Variants in HS6ST3 observed in about 807,000 individuals in gnomAD.
HS6ST3 encodes the protein heparan sulfate 6-O-sulfotransferase 3, also known as heparan-sulfate 6-O-sulfotransferase 3.
A neutral mutation model predicts 36.7 loss-of-function variants in HS6ST3; 12 were observed. The ratio of observed to expected loss-of-function variants is 0.33; its 90% CI spans 0.21 to 0.53. The LOEUF (loss-of-function observed/expected upper bound fraction) is 0.53, where lower values mean the gene tolerates loss of function less well. Ranked by LOEUF, HS6ST3 falls within the 20% of genes least tolerant of loss-of-function variation. HS6ST3 has a pLI of 0.95. For synonymous variants in HS6ST3, 240 were observed against 257.5 expected (o/e 0.93, Z 0.65); for missense variants, 584 against 640.9 (o/e 0.91, Z 0.96).
rs143431370 is a variant in HS6ST3, at chr13:96,264,064, A to G, written c.707+172495A>G. 9.8e-3 allele frequency among the ~76,000 whole-genome samples: 1,491 copies of G among 152,344 alleles called. 24 individuals carry two copies. Among genetic ancestry groups the G allele is most frequent in the African/African-American group, 0.034 (1,433 of 41,574 alleles). ...TCTATACTCCTTCCCACTCCTAGGTATATGAGAATGTTGGAGAATTAATGG... is the reference window on the plus strand; with the variant it reads ...TCTATACTCCTTCCCACTCCTAGGTGTATGAGAATGTTGGAGAATTAATGG... On this transcript the variant is annotated intron_variant, in intron 1 of 1. Transcript: ENST00000376705.
At chr13:96,611,515 T>G (rs902342061) in intron 1 of HS6ST3, among the ~76,000 whole-genome samples, 2 of 152,168 alleles carry the variant, frequency 1.3e-5, no homozygotes, top group African/African-American at 4.8e-5. Context: ...TTCAAAGAGC[T>G]TCCAGTCTAT....
intron 1 of HS6ST3, among the ~76,000 whole-genome samples, chr13:96,195,600 A>C (rs973573926): frequency 1.3e-5 from 2 of 152,106 alleles, no homozygotes; most frequent in African/African-American, 4.8e-5. Flanking sequence ...CTGGGTGATC[A>C]CTCTGCACTT....
At chr13:96,714,655 C>T (rs1267026788) in intron 1 of HS6ST3, among the ~76,000 whole-genome samples, 1 of 152,120 alleles carries the variant, frequency 6.6e-6, no homozygotes, top group South Asian at 2.1e-4. Flanking sequence ...TAGCCTAGAA[C>T]AATGCTTGCA....
intron 1 of HS6ST3, among the ~76,000 whole-genome samples, chr13:96,275,437 AT>A (rs1348811003): frequency 6.6e-6 from 1 of 152,110 alleles, no homozygotes; most frequent in Non-Finnish European, 1.5e-5. Flanking sequence ...ACCAATAATT[AT>A]TTGGGGAATT....
At chr13:96,145,789 C>T (rs1379913372) in intron 1 of HS6ST3, among the ~76,000 whole-genome samples, 2 of 152,132 alleles carry the variant, frequency 1.3e-5, no homozygotes, top group Admixed American at 1.3e-4. Flanking sequence ...GGTTTTAGGT[C>T]TAACATATAA....
At chr13:96,638,957 T>A (rs565208152) in intron 1 of HS6ST3, among the ~76,000 whole-genome samples, 7 of 152,020 alleles carry the variant, frequency 4.6e-5, no homozygotes, top group Non-Finnish European at 1.0e-4. Flanking sequence ...TTTAAAATCA[T>A]TGAGACTTGT....
intron 1 of HS6ST3, among the ~76,000 whole-genome samples, chr13:96,452,514 C>A (rs765100512): frequency 1.1e-4 from 16 of 151,410 alleles, no homozygotes; most frequent in Non-Finnish European, 1.9e-4. Flanking sequence ...ATTTTCTTTT[C>A]AAAAATGTGA....
At chr13:96,769,725 T>A (rs940194930) in intron 1 of HS6ST3, among the ~76,000 whole-genome samples, 2 of 140,612 alleles carry the variant, frequency 1.4e-5, no homozygotes, top group East Asian at 2.2e-4. Context: ...TTGTTTCTCA[T>A]TCCTAGCTCT....
chr13:96,181,618 C>T (rs1407750238), intron 1 of HS6ST3, among the ~76,000 whole-genome samples: 1 of 152,016 alleles, frequency 6.6e-6, no homozygotes, highest in Non-Finnish European at 1.5e-5. Flanking sequence ...CTTAGAGGTG[C>T]GCAGGAGGCA....
chr13:96,618,079 C>A (rs1027064179), intron 1 of HS6ST3, among the ~76,000 whole-genome samples: 1 of 152,138 alleles, frequency 6.6e-6, no homozygotes, highest in African/African-American at 2.4e-5. Flanking sequence ...TCTTGGGCAA[C>A]CCCTGTGAGC....
At chr13:96,493,228 G>A (rs532125668) in intron 1 of HS6ST3, among the ~76,000 whole-genome samples, 1 of 152,216 alleles carries the variant, frequency 6.6e-6, no homozygotes, top group South Asian at 2.1e-4. Flanking sequence ...CCATTTCCCA[G>A]ACAATTCATC....
intron 1 of HS6ST3, among the ~76,000 whole-genome samples, chr13:96,606,674 C>T (rs905045347): frequency 2.0e-5 from 3 of 147,428 alleles, no homozygotes; most frequent in African/African-American, 7.5e-5. Context: ...GTGCTCAATG[C>T]CTGAGTGACA....
intron 1 of HS6ST3, among the ~76,000 whole-genome samples, chr13:96,219,303 C>T (rs1327556439): frequency 6.6e-6 from 1 of 152,206 alleles, no homozygotes; most frequent in East Asian, 1.9e-4. Flanking sequence ...TATATAACCT[C>T]ACCTACTTCT....
intron 1 of HS6ST3, among the ~76,000 whole-genome samples, chr13:96,254,140 G>A (rs2054620299): frequency 2.6e-5 from 4 of 151,832 alleles, no homozygotes; most frequent in African/African-American, 9.7e-5. Context: ...TTCCAGCCGG[G>A]CGCGGTGGCT....
At chr13:96,317,138 T>C (rs1594751363) in intron 1 of HS6ST3, among the ~76,000 whole-genome samples, 1 of 151,674 alleles carries the variant, frequency 6.6e-6, no homozygotes, top group Non-Finnish European at 1.5e-5. Flanking sequence ...TCTAGTAGTC[T>C]GCAGTGTCTA....
chr13:96,633,540 G>A (rs887980518), intron 1 of HS6ST3, among the ~76,000 whole-genome samples: 2 of 152,202 alleles, frequency 1.3e-5, no homozygotes, highest in African/African-American at 2.4e-5. Context: ...GGACTCAGAT[G>A]TAGGCATTGA....
chr13:96,330,083 T>C (rs9554343), intron 1 of HS6ST3, among the ~76,000 whole-genome samples: 55,801 of 130,704 alleles, frequency 0.43, 12,095 homozygotes, highest in African/African-American at 0.51. Context: ...TGTCTCTGCA[T>C]GTGAGATGGG....
chr13:96,361,455 ATCT>A (rs1431913790), intron 1 of HS6ST3, among the ~76,000 whole-genome samples: 20 of 152,238 alleles, frequency 1.3e-4, no homozygotes, highest in African/African-American at 4.8e-4. Flanking sequence ...AGATAGTTTC[ATCT>A]TCTCATGTCT....
intron 1 of HS6ST3, among the ~76,000 whole-genome samples, chr13:96,457,284 A>G (rs551261674): frequency 6.6e-6 from 1 of 152,300 alleles, no homozygotes; most frequent in South Asian, 2.1e-4. Context: ...AAAATGCTTA[A>G]TGTCCCAAAC....
Sources: gnomAD v4.1 joint callset for allele counts (sites outside exome capture counted in the v4.1 genomes callset) on GRCh38, gnomAD v4.1.1 for gene constraint, MANE v1.5 for transcripts, NCBI Gene and HGNC (gene_info 2026-07-23, HGNC 2026-07-21) for gene names.